Variants in LIMS1 observed in about 807,000 individuals in gnomAD.
LIMS1 encodes LIM and senescent cell antigen-like-containing domain protein 1.
In LIMS1, 18 loss-of-function variants were observed where a neutral mutation model predicts 44.1. That is an observed-to-expected ratio of 0.41 (90% confidence interval 0.28 to 0.61). LIMS1 has a LOEUF of 0.61. LIMS1 is among the 20% of genes least tolerant of loss of function. The probability of loss-of-function intolerance (pLI) is 0.32; values close to 1 mark genes in which losing one functional copy is unlikely to be tolerated. For synonymous variants in LIMS1, 93 were observed against 149.1 expected (o/e 0.62, Z 2.74); for missense variants, 201 against 422.0 (o/e 0.48, Z 4.59).
At chr2:108,612,045 CACACACACATATAT>C (rs1379887776) in intron 1 of LIMS1, among the ~76,000 whole-genome samples, 11 of 89,896 alleles carry the variant, frequency 1.2e-4, no homozygotes, top group African/African-American at 4.8e-4. Flanking sequence ...CACACACACA[CACACACACATATAT>C]ATATATATAT....
chr2:108,686,229 G>A (rs1397814828), exon 10 of LIMS1: 1 of 152,024 alleles, frequency 6.6e-6, no homozygotes, highest in Non-Finnish European at 1.5e-5. Flanking sequence ...TGAGGCAGGA[G>A]AATGGTGGGA....
chr2:108,614,140 C>T lies in LIMS1; in HGVS notation c.33-45465C>T, dbSNP rs142052182. Among the ~76,000 whole-genome samples the T allele has an allele frequency of 2.1e-3, 319 of 152,304 alleles. 3 individuals carry two copies. The highest frequency in any genetic ancestry group is 7.3e-3 in the African/African-American group (304 of 41,564). On this transcript the variant is annotated intron_variant, in intron 1 of 9. Coordinates refer to ENST00000544547, the Ensembl canonical transcript of LIMS1. The stretch of plus-strand genomic sequence containing the variant: ...TTTCTTATACTTGGCTGATGACAGA[C>T]TCTCCGCATGTGACTTTTGCTTTTT...
At chr2:108,661,321 T>C (rs1440150109) in intron 2 of LIMS1, among the ~76,000 whole-genome samples, 1 of 147,142 alleles carries the variant, frequency 6.8e-6, no homozygotes, top group African/African-American at 2.5e-5. Context: ...TTTCGTTTTC[T>C]CTTTTCTTCT....
At chr2:108,583,248 A>G (rs57336888) in intron 1 of LIMS1, among the ~76,000 whole-genome samples, 65,374 of 149,462 alleles carry the variant, frequency 0.44, 15,647 homozygotes, top group East Asian at 0.95. Flanking sequence ...TCACCATGTT[A>G]GGCAGGCTGG....
At chr2:108,547,151 T>C (rs947465829) in intron 1 of LIMS1, among the ~76,000 whole-genome samples, 2 of 152,238 alleles carry the variant, frequency 1.3e-5, no homozygotes, top group African/African-American at 4.8e-5. Context: ...ACAAAACTGG[T>C]GTGCTTCCAC....
chr2:108,630,369 G>A (rs1688842400), intron 1 of LIMS1, among the ~76,000 whole-genome samples: 1 of 152,128 alleles, frequency 6.6e-6, no homozygotes, highest in Non-Finnish European at 1.5e-5. Flanking sequence ...ACATGCTGAA[G>A]AACTCAGGGA....
At chr2:108,582,028 A>G (rs538835139) in intron 1 of LIMS1, among the ~76,000 whole-genome samples, 1 of 152,104 alleles carries the variant, frequency 6.6e-6, no homozygotes, top group South Asian at 2.1e-4. Context: ...CAAGTTGGGG[A>G]CTTCTTTGAT....
At chr2:108,683,996 A>G in exon 10 of LIMS1, 2 of 1,485,896 alleles carry the variant, frequency 1.3e-6, no homozygotes, top group Non-Finnish European at 1.9e-6. Flanking sequence ...TAGGAAGGAA[A>G]TAAGTTCCTT....
In LIMS1 at chr2:108,637,883, A is replaced by G. The variant is rs148113529; in HGVS notation, c.33-21722A>G. Among the ~76,000 whole-genome samples, 667 of 148,610 alleles carry G rather than the reference A, an allele frequency of 4.5e-3. 4 individuals carry two copies. The highest frequency in any genetic ancestry group is 0.014 in the South Asian group (68 of 4,726). On this transcript the variant is annotated intron_variant, in intron 1 of 9. Coordinates refer to ENST00000544547, the Ensembl canonical transcript of LIMS1. The stretch of plus-strand genomic sequence containing the variant: ...TTAAGATTTTTTTTTTTTTTTTGAG[A>G]CAGTATCTCGCTGTGTCTCCCAGGC...
chr2:108,558,877 G>A (rs1348425429), intron 1 of LIMS1, among the ~76,000 whole-genome samples: 1 of 151,722 alleles, frequency 6.6e-6, no homozygotes, highest in Non-Finnish European at 1.5e-5. Flanking sequence ...CACCATGTTG[G>A]CCAGGCTGGT....
chr2:108,647,012 C>T (rs913823485), intron 1 of LIMS1, among the ~76,000 whole-genome samples: 3 of 151,782 alleles, frequency 2.0e-5, no homozygotes, highest in Non-Finnish European at 4.4e-5. Flanking sequence ...TGAGTCACCG[C>T]GCCCGGCCCA....
intron 1 of LIMS1, among the ~76,000 whole-genome samples, chr2:108,572,198 G>A (rs1309162204): frequency 6.6e-6 from 1 of 151,530 alleles, no homozygotes; most frequent in Non-Finnish European, 1.5e-5. Context: ...GTACATTTCT[G>A]TTGTGTCTTA....
chr2:108,642,487 G>C (rs1418333038), intron 1 of LIMS1, among the ~76,000 whole-genome samples: 7 of 151,250 alleles, frequency 4.6e-5, no homozygotes, highest in Admixed American at 4.6e-4. Context: ...AGCCTCCCGA[G>C]TAGCTGGGAC....
At chr2:108,569,316 G>C (rs1176424996) in intron 1 of LIMS1, among the ~76,000 whole-genome samples, 1 of 152,140 alleles carries the variant, frequency 6.6e-6, no homozygotes, top group Non-Finnish European at 1.5e-5. Context: ...TGGGTCCTTT[G>C]ATGCACAAAA....
At chr2:108,563,888 G>T (rs960848332) in intron 1 of LIMS1, among the ~76,000 whole-genome samples, 2 of 151,792 alleles carry the variant, frequency 1.3e-5, no homozygotes, top group African/African-American at 4.8e-5. Context: ...GCGAGATCCT[G>T]TCTCTACAAA....
At chr2:108,631,221 C>T (rs192239747) in intron 1 of LIMS1, among the ~76,000 whole-genome samples, 1 of 152,162 alleles carries the variant, frequency 6.6e-6, no homozygotes, top group Admixed American at 6.6e-5. Flanking sequence ...TATATACCTC[C>T]GCCCTTCCCT....
At chr2:108,594,565 T>C (rs1335478452) in intron 1 of LIMS1, among the ~76,000 whole-genome samples, 1 of 152,180 alleles carries the variant, frequency 6.6e-6, no homozygotes, top group Non-Finnish European at 1.5e-5. Context: ...ACTGAGCGTA[T>C]TCAATAAGCA....
intron 1 of LIMS1, among the ~76,000 whole-genome samples, chr2:108,634,098 A>T (rs141442615): frequency 6.6e-6 from 1 of 152,360 alleles, no homozygotes; most frequent in African/African-American, 2.4e-5. Flanking sequence ...AAAGACTCTT[A>T]CAAGGGTAGA....
At chr2:108,668,300 A>G (rs888607958) in intron 2 of LIMS1, among the ~76,000 whole-genome samples, 3 of 151,994 alleles carry the variant, frequency 2.0e-5, no homozygotes, top group South Asian at 2.1e-4. Flanking sequence ...CTACTGTGCA[A>G]TAGAACACTA....
Sources: gnomAD v4.1 joint callset for allele counts (sites outside exome capture counted in the v4.1 genomes callset) on GRCh38, gnomAD v4.1.1 for gene constraint, MANE v1.5 for transcripts, NCBI Gene and HGNC (gene_info 2026-07-23, HGNC 2026-07-21) for gene names.